GTF2IRD2B: variants seen among roughly 807,000 people sequenced by gnomAD.
GTF2IRD2B encodes general transcription factor II-I repeat domain-containing protein 2B.
A neutral mutation model predicts 55.6 loss-of-function variants in GTF2IRD2B; 10 were observed. That is an observed-to-expected ratio of 0.18 (90% CI 0.11 to 0.31). GTF2IRD2B has a LOEUF of 0.31. Ranked by LOEUF, GTF2IRD2B falls within the 10% of genes least tolerant of loss-of-function variation. GTF2IRD2B has a pLI of 1.00. For missense variants in GTF2IRD2B, 206 were observed against 802.7 expected, an observed-to-expected ratio of 0.26 and a Z score of 8.98; for synonymous variants, 107 against 320.5, an observed-to-expected ratio of 0.33 and a Z score of 7.12.
chr7:75,120,918 A>G lies in GTF2IRD2B; in HGVS notation c.266A>G (p.Lys89Arg). 1.2e-6 allele frequency: 2 copies of G among 1,613,820 alleles called. No homozygotes were observed. Among genetic ancestry groups the G allele is most frequent in the South Asian group, 2.2e-5 (2 of 91,058 alleles). The change falls in exon 4 of 16, where the codon AAA becomes AGA. Residue 89 changes from lysine to arginine, a missense_variant. Lys to Arg is a conservative substitution (Grantham distance 26). Coordinates refer to ENST00000472837, the MANE Select transcript of GTF2IRD2B (RefSeq NM_001003795.3). ...YCVAEGLCEV[K>R]PPCPVNGMQV... ...GTTGCAGAGGGACTGTGTGAGGTGA[A>G]ACCTCCCTGCCCTGTGAACGGGATG... is the stretch of plus-strand genomic sequence containing the variant.
chr7:75,114,364 A>C (rs1377891811), intron 3 of GTF2IRD2B, among the ~76,000 whole-genome samples: 1 of 151,514 alleles, frequency 6.6e-6, no homozygotes, highest in Non-Finnish European at 1.5e-5. Flanking sequence ...TGTTGTCGCA[A>C]ATATTTTCTC....
At chr7:75,127,491 A>AAAAGAGAG (rs1554452597) in intron 8 of GTF2IRD2B, among the ~76,000 whole-genome samples, 1 of 144,586 alleles carries the variant, frequency 6.9e-6, no homozygotes, top group Non-Finnish European at 1.5e-5. Flanking sequence ...AAAAAAAAAA[A>AAAAGAGAG]AGAGAGAGAG....
chr7:75,111,057 G>C (rs1453317337), intron 2 of GTF2IRD2B, among the ~76,000 whole-genome samples: 2 of 147,242 alleles, frequency 1.4e-5, no homozygotes, highest in African/African-American at 4.9e-5. Context: ...TCACGCCATT[G>C]CACTCCAGCC....
chr7:75,145,563 T>G (rs1255986619), intron 15 of GTF2IRD2B, among the ~76,000 whole-genome samples: 2 of 148,792 alleles, frequency 1.3e-5, no homozygotes, highest in Admixed American at 6.7e-5. Flanking sequence ...TGAAACTCCG[T>G]CTCTACTAGA....
At chr7:75,105,834 A>G (rs1464322933) in intron 1 of GTF2IRD2B, among the ~76,000 whole-genome samples, 2 of 152,310 alleles carry the variant, frequency 1.3e-5, no homozygotes, top group Admixed American at 1.3e-4. Flanking sequence ...GGTTGCACTA[A>G]AAGTCTGTTA....
chr7:75,120,268 TA>T (rs1808323888), intron 3 of GTF2IRD2B, among the ~76,000 whole-genome samples: 1 of 75,954 alleles, frequency 1.3e-5, no homozygotes, highest in Admixed American at 1.4e-4. Context: ...CAATCAGTTT[TA>T]AAACTTTTGG....
intron 15 of GTF2IRD2B, among the ~76,000 whole-genome samples, chr7:75,146,120 A>G (rs1243576985): frequency 4.2e-5 from 1 of 23,890 alleles, no homozygotes; most frequent in East Asian, 7.4e-4. Context: ...CAGCCTCCCA[A>G]AGTGCTGGGA....
intron 3 of GTF2IRD2B, among the ~76,000 whole-genome samples, chr7:75,117,559 C>T (rs1244010512): frequency 2.0e-5 from 3 of 152,420 alleles, no homozygotes; most frequent in Admixed American, 1.3e-4. Flanking sequence ...ACTAATACTC[C>T]AGCTGGCTTC....
chr7:75,104,339 G>A (rs1371186896), intron 1 of GTF2IRD2B, among the ~76,000 whole-genome samples: 7 of 152,332 alleles, frequency 4.6e-5, no homozygotes, highest in African/African-American at 9.6e-5. Flanking sequence ...GGCTGGTCTC[G>A]AACTCCTGAC....
At position 75,149,505 on chromosome 7, in the gene GTF2IRD2B, C is replaced by T. The variant is rs1176673460; in HGVS notation, c.*208C>T. On this transcript the variant is annotated 3_prime_UTR_variant, in exon 16 of 16. Coordinates refer to ENST00000472837, the MANE Select transcript of GTF2IRD2B (RefSeq NM_001003795.3). ...GAACGATTCTCCTGCCTCAGCCTCC[C>T]GAGCAGCTGGGACTACAGGCATGCG... The T allele has an allele frequency of 7.1e-5, 40 of 561,470 alleles. No individual in the cohort carries two copies. Among genetic ancestry groups the T allele is most frequent in the Middle Eastern group, 4.8e-4 (1 of 2,088 alleles). 34.8% of individuals were successfully genotyped at this position (561,470 alleles called of 1,614,324 possible). A position where few individuals can be genotyped will look rare whatever the true frequency, so the allele number is the denominator to read the frequency against.
chr7:75,101,943 C>T (rs1584522009), intron 1 of GTF2IRD2B, among the ~76,000 whole-genome samples: 1 of 149,140 alleles, frequency 6.7e-6, no homozygotes, highest in South Asian at 2.1e-4. Flanking sequence ...GTGTACTGTT[C>T]AGTGGTTTCT....
chr7:75,104,174 G>T (rs1807684923), intron 1 of GTF2IRD2B, among the ~76,000 whole-genome samples: 1 of 137,342 alleles, frequency 7.3e-6, no homozygotes, highest in Non-Finnish European at 1.6e-5. Context: ...CCCACCTGGA[G>T]GGCAGTGGCA....
intron 3 of GTF2IRD2B, among the ~76,000 whole-genome samples, chr7:75,115,918 CTTT>C (rs781957846): frequency 4.7e-5 from 4 of 85,464 alleles, no homozygotes; most frequent in Non-Finnish European, 4.4e-5. Flanking sequence ...TCTTTTCTTT[CTTT>C]TTTTTTTTTT....
chr7:75,107,217 G>A (rs1380869154), intron 1 of GTF2IRD2B, among the ~76,000 whole-genome samples: 1 of 151,670 alleles, frequency 6.6e-6, no homozygotes, highest in East Asian at 2.0e-4. Flanking sequence ...TTGTTTTACG[G>A]GGAGGCCATG....
chr7:75,102,052 G>A (rs1344497420), intron 1 of GTF2IRD2B, among the ~76,000 whole-genome samples: 1 of 151,396 alleles, frequency 6.6e-6, no homozygotes, highest in Non-Finnish European at 1.5e-5. Flanking sequence ...GCCCAGGCTG[G>A]AGTGCAGTGG....
chr7:75,113,820 G>A (rs1338170470), intron 3 of GTF2IRD2B, among the ~76,000 whole-genome samples: 1 of 129,132 alleles, frequency 7.7e-6, no homozygotes, highest in East Asian at 2.3e-4. Context: ...GTGTGTGTAT[G>A]TACAGAGAGA....
At chr7:75,104,992 G>C (rs1436561163) in intron 1 of GTF2IRD2B, among the ~76,000 whole-genome samples, 1 of 152,424 alleles carries the variant, frequency 6.6e-6, no homozygotes, top group African/African-American at 2.4e-5. Context: ...GAGCCCAGGA[G>C]TTGGAGACCA....
chr7:75,121,259 A>ACTC (rs1808355295), intron 4 of GTF2IRD2B, among the ~76,000 whole-genome samples: 1 of 149,162 alleles, frequency 6.7e-6, no homozygotes, highest in African/African-American at 2.4e-5. Context: ...CTGGTCTCAA[A>ACTC]CTCCTCACCT....
chr7:75,137,797 AAACT>A (rs1460006862), intron 11 of GTF2IRD2B, among the ~76,000 whole-genome samples: 28 of 151,582 alleles, frequency 1.8e-4, no homozygotes, highest in Middle Eastern at 3.4e-3. Flanking sequence ...GCCTCGAAAC[AAACT>A]AACAAAAATA....
Sources: allele counts gnomAD v4.1 joint callset (sites outside exome capture counted in the v4.1 genomes callset), GRCh38; gene constraint gnomAD v4.1.1; transcripts MANE v1.5; gene names NCBI Gene and HGNC (gene_info 2026-07-23, HGNC 2026-07-21).